The following COPA variants were observed in gnomAD, a reference collection of about 807,000 sequenced individuals.
COPA encodes coatomer subunit alpha.
A neutral mutation model predicts 158.7 loss-of-function variants in COPA; 10 were observed. The observed-to-expected ratio is 0.06, with a 90% CI of 0.04 to 0.11. The LOEUF (loss-of-function observed/expected upper bound fraction) is 0.11, where lower values mean the gene tolerates loss of function less well. COPA is among the 10% of genes least tolerant of loss of function. The pLI is 1.00. For synonymous variants in COPA, 462 were observed against 542.8 expected (o/e 0.85, Z 2.07); for missense variants, 1,065 against 1,536.7 (o/e 0.69, Z 5.13).
chr1:160,314,067 G>A lies in COPA; in HGVS notation c.765C>T (p.Ala255=), dbSNP rs774521461. 49 of 1,613,660 alleles carry A rather than the reference G, an allele frequency of 3.0e-5. No individual in the cohort carries two copies. Among genetic ancestry groups the A allele is most frequent in the Admixed American group, 2.0e-4 (12 of 59,960 alleles). Residue 255 remains alanine, a synonymous_variant, in exon 9 of 33, where the codon GCC becomes GCT. Coordinates refer to ENST00000241704, the MANE Select transcript of COPA (RefSeq NM_004371.4). ...CRGHYNNVSC[A]VFHPRQELIL... is the part of the protein sequence containing the mutation. ...TCAACTCTTGGCGAGGGTGGAAGAC[G>A]GCACAAGATACATTGTTGTAATGGC...
intron 31 of COPA, 74 bp from the exon 32 acceptor site, chr1:160,290,760 T>G (rs998820454): frequency 1.4e-6 from 2 of 1,415,948 alleles, no homozygotes; most frequent in Non-Finnish European, 2.0e-6. Context: ...ACACCATGGT[T>G]TGGTAGTTCC....
At chr1:160,320,792 T>TAA (rs143294298) in intron 8 of COPA, among the ~76,000 whole-genome samples, 143 of 89,188 alleles carry the variant, frequency 1.6e-3, no homozygotes, top group Non-Finnish European at 2.2e-3. Flanking sequence ...TTCAAACTCT[T>TAA]AAAAAAAAAA....
intron 11 of COPA, 54 bp from the exon 12 acceptor site, chr1:160,310,312 G>T: frequency 8.7e-7 from 1 of 1,147,992 alleles, no homozygotes; most frequent in Non-Finnish European, 1.3e-6. Flanking sequence ...AAGAATAGAA[G>T]GAAGAAAGGA....
In COPA at chr1:160,332,464, G is replaced by A. The variant is rs369092759; in HGVS notation, c.480C>T (p.Arg160=). The part of the protein sequence containing the change: ...VVSASLDQTV[R]VWDISGLRKK... Reference sequence around the variant, plus strand: ...GCAGCTCACCAGAAATATCCCAAACGCGCACAGTCTGGTCCAGGCTGGCTG... The same window carrying A: ...GCAGCTCACCAGAAATATCCCAAACACGCACAGTCTGGTCCAGGCTGGCTG... The change falls in exon 6 of 33, where the codon CGC becomes CGT. Residue 160 remains arginine, a synonymous_variant. Coordinates refer to ENST00000241704, the MANE Select transcript of COPA (RefSeq NM_004371.4). The A allele has an allele frequency of 7.3e-5, 117 of 1,611,694 alleles. 2 individuals are homozygous for A. The South Asian group carries it at 1.0e-3, about 14-fold the overall frequency.
intron 1 of COPA, among the ~76,000 whole-genome samples, chr1:160,340,760 T>C (rs1212844704): frequency 6.6e-6 from 1 of 152,310 alleles, no homozygotes; most frequent in Non-Finnish European, 1.5e-5. Flanking sequence ...TTTCCAGTGG[T>C]CCTTTTTCAG....
intron 8 of COPA, among the ~76,000 whole-genome samples, chr1:160,315,941 A>G (rs1056631901): frequency 6.6e-6 from 1 of 152,248 alleles, no homozygotes; most frequent in Non-Finnish European, 1.5e-5. Context: ...ATGAAAACAA[A>G]TCAAACAGAA....
At chr1:160,291,029 A>G (rs959171659) in intron 31 of COPA, among the ~76,000 whole-genome samples, 1 of 152,144 alleles carries the variant, frequency 6.6e-6, no homozygotes, top group South Asian at 2.1e-4. Flanking sequence ...TGTGTATGTG[A>G]AGCTTTGTGG....
chr1:160,317,331 C>G lies in COPA; in HGVS notation c.707-3206G>C, dbSNP rs1041561475. On this transcript the variant is annotated intron_variant, in intron 8 of 32. Transcript: ENST00000241704. Reference sequence around the variant, plus strand: ...TGGGGAAGGGAGAAGGATTTGTAAACCCCGGAGTGAGGTTCTGCTTACCCG... The same window carrying G: ...TGGGGAAGGGAGAAGGATTTGTAAAGCCCGGAGTGAGGTTCTGCTTACCCG... 3.6e-6 allele frequency: 5 copies of G among 1,406,716 alleles called. No individual in the cohort carries two copies. In the Admixed American group the frequency reaches 8.4e-5, roughly 24 times the overall value. The allele number at this position is 1,406,716 out of a possible 1,614,324, so 87.1% of individuals were successfully genotyped here.
In COPA at chr1:160,289,500, T is replaced by C. The variant is rs1658148184; in HGVS notation, c.*657A>G. 1.3e-5 allele frequency: 2 copies of C among 152,052 alleles called. No individual in the cohort carries two copies. The highest frequency in any genetic ancestry group is 4.8e-5 in the African/African-American group (2 of 41,406). 9.4% of individuals were successfully genotyped at this position (152,052 alleles called of 1,614,324 possible). ...CCAAAATGTATTTATTACATCCTGC[T>C]CCTTTCTAGTTGACAGGAAAGAAAG... On this transcript the variant is annotated 3_prime_UTR_variant, in exon 33 of 33. Coordinates refer to ENST00000241704, the MANE Select transcript of COPA (RefSeq NM_004371.4).
chr1:160,340,419 ATTT>A, intron 1 of COPA, 125 bp from the exon 2 acceptor site: 1 of 634,366 alleles, frequency 1.6e-6, no homozygotes, highest in Non-Finnish European at 2.7e-6. Flanking sequence ...ATGCTTGATG[ATTT>A]TTTACTGGAT....
At chr1:160,292,655 C>T (rs752430016) in intron 27 of COPA, 35 bp from the exon 28 acceptor site, 2 of 1,542,564 alleles carry the variant, frequency 1.3e-6, no homozygotes, top group East Asian at 2.3e-5. Context: ...GATTTTGGCC[C>T]TGCTGCATAA....
intron 13 of COPA, 88 bp downstream of exon 13, chr1:160,309,013 G>A: frequency 1.6e-5 from 17 of 1,046,508 alleles, no homozygotes; most frequent in Non-Finnish European, 2.1e-5. Context: ...CCATGGCTTG[G>A]GGATGGAATG....
In COPA at chr1:160,294,438, C is replaced by T. The variant is rs939370601; in HGVS notation, c.2676+46G>A. On this transcript the variant is annotated intron_variant, in intron 25 of 32. Transcript: ENST00000241704. ...GGGACAATAAGGCCTCTGGCTTCCA[C>T]AGGGAGATACGGAGAGAACCTTCTA... 12 of 1,540,064 alleles carry T rather than the reference C, an allele frequency of 7.8e-6. No individual in the cohort carries two copies. In the African/African-American group the frequency reaches 1.6e-4, roughly 21 times the overall value.
intron 4 of COPA, among the ~76,000 whole-genome samples, chr1:160,333,965 A>ATGTGTG (rs59237821): frequency 1.3e-5 from 2 of 151,096 alleles, no homozygotes; most frequent in South Asian, 2.1e-4. Flanking sequence ...TTACTTCTAT[A>ATGTGTG]TGTGTGTGTG....
chr1:160,332,898 C>T lies in COPA; in HGVS notation c.387-341G>A, dbSNP rs182415071. ...ATCTGTGAGATTTTAGTAGGGTATC[C>T]CTTTTAAAGGCCATCACTTTATTTT... is the stretch of plus-strand genomic sequence containing the variant. On this transcript the variant is annotated intron_variant, in intron 5 of 32. Transcript: ENST00000241704. 2.2e-3 allele frequency among the ~76,000 whole-genome samples: 334 copies of T among 152,100 alleles called. 1 individual carries two copies. Among genetic ancestry groups the T allele is most frequent in the African/African-American group, 7.9e-3 (327 of 41,500 alleles).
intron 8 of COPA, among the ~76,000 whole-genome samples, chr1:160,319,914 CAAAAAAAAA>C (rs80269064): frequency 1.3e-5 from 1 of 75,568 alleles, no homozygotes; most frequent in African/African-American, 5.6e-5. Context: ...ACACCTATGT[CAAAAAAAAA>C]AAAAAAAAAA....
chr1:160,309,353 T>C (rs1658890195), intron 12 of COPA, among the ~76,000 whole-genome samples, 177 bp from the exon 13 acceptor site: 1 of 152,198 alleles, frequency 6.6e-6, no homozygotes, highest in Admixed American at 6.5e-5. Context: ...GTTATAGGGC[T>C]CTTTGCCAAA....
Position 160,305,706 on chromosome 1 carries a change from C to T in COPA, c.1510G>A (p.Ala504Thr). ...GACTCACCGTGTTTGGCTAGTAGTG[C>T]TACATGTGACATGTCTGCTGACCAG... ...VIWSADMSHVALLAKHAIVIC... is the reference protein window; with the variant it reads ...VIWSADMSHVTLLAKHAIVIC... Residue 504 changes from alanine to threonine, a missense_variant, in exon 16 of 33, where the codon GCA becomes ACA. Transcript: ENST00000241704. 1 of 1,614,128 alleles carries T rather than the reference C, an allele frequency of 6.2e-7. No homozygotes were observed. Among genetic ancestry groups the T allele is most frequent in the Non-Finnish European group, 8.5e-7 (1 of 1,180,028 alleles).
At chr1:160,301,914 T>C (rs1027512526) in intron 17 of COPA, among the ~76,000 whole-genome samples, 4 of 151,838 alleles carry the variant, frequency 2.6e-5, no homozygotes, top group African/African-American at 9.7e-5. Flanking sequence ...AAAAGGGATA[T>C]ACATTTTAAA....
Sources: allele counts gnomAD v4.1 joint callset (sites outside exome capture counted in the v4.1 genomes callset), GRCh38; gene constraint gnomAD v4.1.1; transcripts MANE v1.5; gene names NCBI Gene and HGNC (gene_info 2026-07-23, HGNC 2026-07-21).